Variants in IGF2BP2 observed in about 807,000 individuals in gnomAD.
IGF2BP2 encodes the protein insulin-like growth factor 2 mRNA-binding protein 2.
In IGF2BP2, 17 loss-of-function variants were observed where a neutral mutation model predicts 75.8. The observed-to-expected ratio is 0.22, with a 90% CI of 0.15 to 0.34. The LOEUF (loss-of-function observed/expected upper bound fraction) is 0.34. IGF2BP2 is among the 10% of genes least tolerant of loss of function. The pLI is 1.00. For synonymous variants in IGF2BP2, 288 were observed against 295.6 expected (o/e 0.97, Z 0.26); for missense variants, 516 against 772.4 (o/e 0.67, Z 3.93).
rs749524364 is a variant in IGF2BP2 at position 185,824,787 on chromosome 3, G to C, written c.174C>G (p.Leu58=). The part of the protein sequence containing the change: ...QNWAIRAIET[L]SGKVELHGKI... Reference sequence around the variant, plus strand: ...GGGGCCGCGCTGAGTGCTCACCCGAGAGGGTCTCGATGGCGCGGATGGCCC... The same window carrying C: ...GGGGCCGCGCTGAGTGCTCACCCGACAGGGTCTCGATGGCGCGGATGGCCC... Residue 58 remains leucine (L), a synonymous_variant, in exon 1 of 16, where the codon CTC becomes CTG. Transcript: ENST00000382199. 3.2e-5 allele frequency: 45 copies of C among 1,414,574 alleles called. No homozygotes were observed. The Admixed American group carries it at 1.1e-3, about 34-fold the overall frequency. The allele number at this position is 1,414,574 out of a possible 1,614,324, so 87.6% of individuals were successfully genotyped here.
intron 4 of IGF2BP2, among the ~76,000 whole-genome samples, chr3:185,694,809 G>A (rs556745519): frequency 6.3e-4 from 96 of 152,220 alleles, no homozygotes; most frequent in Middle Eastern, 3.4e-3. Flanking sequence ...CTTTTCTGCC[G>A]GGCACGGTGG....
At chr3:185,654,613 G>A (rs1159112735) in intron 12 of IGF2BP2, among the ~76,000 whole-genome samples, 1 of 152,212 alleles carries the variant, frequency 6.6e-6, no homozygotes, top group Non-Finnish European at 1.5e-5. Context: ...CCAGAAGTCG[G>A]AGGGCTACTT....
intron 2 of IGF2BP2, among the ~76,000 whole-genome samples, chr3:185,754,497 A>C (rs777902958): frequency 6.6e-5 from 10 of 152,216 alleles, no homozygotes; most frequent in Non-Finnish European, 1.3e-4. Flanking sequence ...GCACTGCTAT[A>C]AAGATAAAGA....
At chr3:185,681,767 T>TA (rs1720420551) in intron 7 of IGF2BP2, among the ~76,000 whole-genome samples, 1 of 152,260 alleles carries the variant, frequency 6.6e-6, no homozygotes, top group African/African-American at 2.4e-5. Context: ...AAATCCTGCG[T>TA]ATAGTCTCCG....
intron 7 of IGF2BP2, among the ~76,000 whole-genome samples, chr3:185,681,770 A>T (rs527380643): frequency 3.3e-5 from 5 of 152,348 alleles, no homozygotes; most frequent in Admixed American, 2.0e-4. Context: ...TCCTGCGTAT[A>T]GTCTCCGATG....
chr3:185,687,231 C>T (rs1268427646), intron 6 of IGF2BP2, 40 bp from the exon 7 acceptor site: 3 of 1,572,066 alleles, frequency 1.9e-6, no homozygotes, highest in African/African-American at 1.4e-5. Context: ...ACAAGGTCAT[C>T]TGGATAGGAC....
chr3:185,736,393 G>A lies in IGF2BP2; in HGVS notation c.240-38046C>T, dbSNP rs181260993. Among the ~76,000 whole-genome samples, 1,339 of 150,896 alleles carry A rather than the reference G, an allele frequency of 8.9e-3. 15 individuals are homozygous for A. Among genetic ancestry groups the A allele is most frequent in the African/African-American group, 0.032 (1,283 of 40,206 alleles). Reference sequence around the variant, plus strand: ...TCTGTTGCCTAACTCCTATGGGGTAGAGATAATTCCATGGCCACATCTCAA... The same window carrying A: ...TCTGTTGCCTAACTCCTATGGGGTAAAGATAATTCCATGGCCACATCTCAA... On this transcript the variant is annotated intron_variant, in intron 2 of 15. Coordinates refer to ENST00000382199, the MANE Select transcript of IGF2BP2 (RefSeq NM_006548.6).
chr3:185,766,854 T>C (rs901761636), intron 2 of IGF2BP2, among the ~76,000 whole-genome samples: 13 of 152,234 alleles, frequency 8.5e-5, no homozygotes, highest in African/African-American at 2.4e-4. Context: ...CATGCAGCAG[T>C]TAAGAGGCAA....
intron 2 of IGF2BP2, among the ~76,000 whole-genome samples, chr3:185,721,582 A>T (rs1019038947): frequency 6.6e-6 from 1 of 152,156 alleles, no homozygotes; most frequent in Non-Finnish European, 1.5e-5. Flanking sequence ...CATCTCAGCA[A>T]GTGAATTATG....
intron 2 of IGF2BP2, among the ~76,000 whole-genome samples, chr3:185,706,084 T>G (rs1337369037): frequency 1.3e-5 from 2 of 152,030 alleles, no homozygotes; most frequent in Admixed American, 1.3e-4. Context: ...TTGAAAGGAG[T>G]GGAGCCGGAC....
At chr3:185,745,421 A>G (rs1730126111) in intron 2 of IGF2BP2, among the ~76,000 whole-genome samples, 1 of 152,176 alleles carries the variant, frequency 6.6e-6, no homozygotes, top group Non-Finnish European at 1.5e-5. Context: ...AGGTTAGTAG[A>G]GAGGTTTTAT....
At position 185,696,545 on chromosome 3, in the gene IGF2BP2, AC is replaced by A. The variant is rs1722604697; in HGVS notation, c.340+66del. 3.7e-6 allele frequency: 5 copies of A among 1,341,742 alleles called. No individual in the cohort carries two copies. The Admixed American group carries it at 8.6e-5, about 23-fold the overall frequency. The allele number at this position is 1,341,742 out of a possible 1,614,324, so 83.1% of individuals were successfully genotyped here. A position where few individuals can be genotyped will look rare whatever the true frequency, so the allele number is the denominator to read the frequency against. ...AACTTACTATTTCTCCCTGGAGTTG[AC>A]CTAACCTATAAGAAATAACAGATAA... On this transcript the variant is annotated intron_variant, in intron 4 of 15. Transcript: ENST00000382199.
intron 2 of IGF2BP2, among the ~76,000 whole-genome samples, chr3:185,769,300 A>T (rs1457483125): frequency 6.6e-6 from 1 of 152,102 alleles, no homozygotes. Flanking sequence ...GCAATGAGAC[A>T]TCCATGATCA....
intron 2 of IGF2BP2, among the ~76,000 whole-genome samples, chr3:185,787,952 T>C (rs1411345140): frequency 6.6e-6 from 1 of 152,196 alleles, no homozygotes; most frequent in African/African-American, 2.4e-5. Flanking sequence ...GAGCTTCAGA[T>C]TCATTCGTGG....
At chr3:185,653,762 G>A (rs115011784) in intron 12 of IGF2BP2, among the ~76,000 whole-genome samples, 2,974 of 152,236 alleles carry the variant, frequency 0.02, 91 homozygotes, top group African/African-American at 0.068. Context: ...GAGCAAATAC[G>A]AAACAAGAAA....
intron 2 of IGF2BP2, among the ~76,000 whole-genome samples, chr3:185,723,944 A>G (rs1397526057): frequency 6.6e-6 from 1 of 152,226 alleles, no homozygotes; most frequent in Non-Finnish European, 1.5e-5. Context: ...CGAAGCGGGT[A>G]AGCAGGTTCG....
intron 5 of IGF2BP2, among the ~76,000 whole-genome samples, chr3:185,691,207 T>C (rs1218428794): frequency 6.6e-6 from 1 of 152,228 alleles, no homozygotes; most frequent in Non-Finnish European, 1.5e-5. Context: ...CAAGTGATTC[T>C]CTTGCCTCAG....
intron 2 of IGF2BP2, among the ~76,000 whole-genome samples, chr3:185,806,724 T>C (rs1310473394): frequency 3.3e-5 from 5 of 152,222 alleles, no homozygotes; most frequent in South Asian, 2.1e-4. Flanking sequence ...ATGGATATGC[T>C]TGACATCAAA....
chr3:185,751,520 G>A (rs1014737587), intron 2 of IGF2BP2, among the ~76,000 whole-genome samples: 1 of 144,960 alleles, frequency 6.9e-6, no homozygotes, highest in African/African-American at 2.6e-5. Flanking sequence ...GCTGAGGCAG[G>A]AGAATTGCTA....
Sources: gnomAD v4.1 joint callset for allele counts (sites outside exome capture counted in the v4.1 genomes callset) on GRCh38, gnomAD v4.1.1 for gene constraint, MANE v1.5 for transcripts, NCBI Gene and HGNC (gene_info 2026-07-23, HGNC 2026-07-21) for gene names.